SAXO1: variants seen among roughly 807,000 people sequenced by gnomAD.
SAXO1 encodes the protein stabilizer of axonemal microtubules 1, also known as 4930500O09Rik.
Under a neutral mutation model 17.5 loss-of-function variants are expected in SAXO1, and 21 were observed. The observed-to-expected ratio is 1.20, with a 90% confidence interval of 0.85 to 1.72. The LOEUF is 1.72. Among genes scored for constraint, SAXO1 ranks in the 40% most tolerant of loss-of-function variants. SAXO1 has a pLI of 0.00. For synonymous variants in SAXO1, 274 were observed against 216.5 expected (o/e 1.27, Z -2.33); for missense variants, 843 against 596.0 (o/e 1.41, Z -4.32).
At chr9:18,986,630 G>T (rs117042473) in intron 1 of SAXO1, among the ~76,000 whole-genome samples, 24 of 152,158 alleles carry the variant, frequency 1.6e-4, no homozygotes, top group African/African-American at 5.3e-4. Flanking sequence ...AGGGGGGGCG[G>T]TTCCTCATCA....
chr9:18,991,444 T>C (rs1202854924), intron 1 of SAXO1, among the ~76,000 whole-genome samples: 2 of 152,162 alleles, frequency 1.3e-5, no homozygotes, highest in East Asian at 1.9e-4. Context: ...GAAACCATCA[T>C]TCTGAGCAAA....
intron 3 of SAXO1, among the ~76,000 whole-genome samples, chr9:18,932,215 T>C (rs368773446): frequency 1.5e-4 from 23 of 152,244 alleles, no homozygotes; most frequent in East Asian, 5.8e-4. Flanking sequence ...CTCTTTTGAG[T>C]TTGGATGCGG....
At chr9:18,991,573 G>A (rs190375201) in intron 1 of SAXO1, among the ~76,000 whole-genome samples, 1 of 152,176 alleles carries the variant, frequency 6.6e-6, no homozygotes, top group Non-Finnish European at 1.5e-5. Context: ...TCGCGGAGTG[G>A]GGGAAAGGGG....
At chr9:18,991,869 C>T (rs148469430) in intron 1 of SAXO1, among the ~76,000 whole-genome samples, 461 of 152,274 alleles carry the variant, frequency 3.0e-3, no homozygotes, top group Non-Finnish European at 5.5e-3. Flanking sequence ...CTGCTTTACA[C>T]TAAGATTTTG....
chr9:18,963,555 C>T lies in SAXO1; in HGVS notation c.39-12618G>A, dbSNP rs538686106. ...GTATTCCTAGGTTTTTTATTCTCTTCGTAGCAATTGTGAATGGAAGTTCAC... is the reference window on the plus strand; with the variant it reads ...GTATTCCTAGGTTTTTTATTCTCTTTGTAGCAATTGTGAATGGAAGTTCAC... On this transcript the variant is annotated intron_variant, in intron 1 of 3. Transcript: ENST00000380534. Among the ~76,000 whole-genome samples the T allele has an allele frequency of 3.9e-5, 6 of 152,152 alleles. No homozygotes were observed. In the South Asian group the frequency reaches 8.3e-4, roughly 21 times the overall value.
intron 1 of SAXO1, among the ~76,000 whole-genome samples, chr9:18,979,813 C>A (rs1932447): frequency 0.64 from 97,995 of 152,030 alleles, 32,324 homozygotes; most frequent in Non-Finnish European, 0.73. Flanking sequence ...TGCACTACAG[C>A]CTGGGCAAAA....
chr9:18,994,435 A>G (rs781510621), intron 1 of SAXO1, among the ~76,000 whole-genome samples: 16 of 152,160 alleles, frequency 1.1e-4, no homozygotes, highest in Non-Finnish European at 1.6e-4. Flanking sequence ...ATTATTTATT[A>G]GTTGTTATTT....
intron 3 of SAXO1, among the ~76,000 whole-genome samples, chr9:18,938,827 T>TG (rs1831417568): frequency 1.8e-5 from 2 of 110,154 alleles, no homozygotes; most frequent in African/African-American, 7.0e-5. Flanking sequence ...CGTGCGTGTG[T>TG]GTGTGTGTGT....
At chr9:19,024,456 G>T (rs894344394) in intron 1 of SAXO1, among the ~76,000 whole-genome samples, 8 of 152,044 alleles carry the variant, frequency 5.3e-5, no homozygotes, top group Admixed American at 1.3e-4. Flanking sequence ...GTGGGGCGAG[G>T]GGGGGAGGGA....
chr9:18,999,562 G>A (rs2130951736), intron 1 of SAXO1, among the ~76,000 whole-genome samples: 1 of 145,374 alleles, frequency 6.9e-6, no homozygotes, highest in East Asian at 2.1e-4. Context: ...GAGCGCCGCT[G>A]CCTGGCCGCC....
Position 19,033,063 on chromosome 9 carries a change from T to G in SAXO1, c.-155A>C. The G allele has an allele frequency of 2.1e-5, 14 of 673,972 alleles. No individual in the cohort carries two copies. The highest frequency in any genetic ancestry group is 2.6e-5 in the Non-Finnish European group (11 of 425,526). 41.7% of individuals were successfully genotyped at this position (673,972 alleles called of 1,614,324 possible). On this transcript the variant is annotated 5_prime_UTR_variant, in exon 1 of 4. Coordinates refer to ENST00000380534, the MANE Select transcript of SAXO1 (RefSeq NM_153707.4). ...GAAAATTTAAGTGGCCCTTTTGCAA[T>G]GTCCTGTCGTCTGTTGCCCTCCTGG...
rs575859040 is a variant in SAXO1 at position 18,996,870 on chromosome 9, A to G, written c.38+36001T>C. On this transcript the variant is annotated intron_variant, in intron 1 of 3. Coordinates refer to ENST00000380534, the MANE Select transcript of SAXO1 (RefSeq NM_153707.4). ...TGAGGCAAGAAAAAAAACATAGTAA[A>G]AGGCATCCAATTGGAAAGGAAGAGG... 2.6e-5 allele frequency among the ~76,000 whole-genome samples: 4 copies of G among 152,310 alleles called. No individual in the cohort carries two copies. In the South Asian group the frequency reaches 8.3e-4, roughly 32 times the overall value.
At chr9:18,976,620 A>G (rs977748838) in intron 1 of SAXO1, among the ~76,000 whole-genome samples, 1 of 151,050 alleles carries the variant, frequency 6.6e-6, no homozygotes, top group African/African-American at 2.4e-5. Context: ...GATTGTAACT[A>G]TGGGAAAGAC....
intron 1 of SAXO1, among the ~76,000 whole-genome samples, chr9:19,022,081 C>T (rs1338981528): frequency 2.0e-5 from 3 of 152,224 alleles, no homozygotes; most frequent in African/African-American, 7.2e-5. Context: ...TCTTTATGAG[C>T]TGTAACACTC....
chr9:18,958,375 G>A (rs528058594), intron 1 of SAXO1, among the ~76,000 whole-genome samples: 30 of 152,262 alleles, frequency 2.0e-4, no homozygotes, highest in African/African-American at 7.2e-4. Flanking sequence ...CCTGAGTCGA[G>A]ATAGCAACAC....
At chr9:18,975,902 G>T (rs893957601) in intron 1 of SAXO1, among the ~76,000 whole-genome samples, 1 of 152,078 alleles carries the variant, frequency 6.6e-6, no homozygotes, top group African/African-American at 2.4e-5. Flanking sequence ...CAAGAGAGAT[G>T]TAAGTTTCAC....
intron 1 of SAXO1, among the ~76,000 whole-genome samples, chr9:18,972,603 G>A (rs962542149): frequency 6.6e-6 from 1 of 152,170 alleles, no homozygotes; most frequent in African/African-American, 2.4e-5. Context: ...TACATGAACA[G>A]TCTAGGGCTA....
At chr9:18,935,632 G>A (rs1482190941) in intron 3 of SAXO1, among the ~76,000 whole-genome samples, 1 of 152,060 alleles carries the variant, frequency 6.6e-6, no homozygotes, top group Non-Finnish European at 1.5e-5. Context: ...CGACCACCAG[G>A]AATACATATG....
chr9:18,978,525 A>C (rs539535782), intron 1 of SAXO1, among the ~76,000 whole-genome samples: 1 of 152,264 alleles, frequency 6.6e-6, no homozygotes, highest in African/African-American at 2.4e-5. Context: ...AAACAATCTC[A>C]CATTTTAATA....
Sources: gnomAD v4.1 joint callset for allele counts (sites outside exome capture counted in the v4.1 genomes callset) on GRCh38, gnomAD v4.1.1 for gene constraint, MANE v1.5 for transcripts, NCBI Gene and HGNC (gene_info 2026-07-23, HGNC 2026-07-21) for gene names.